Variants in KCNMB3 observed in about 807,000 individuals in gnomAD.
KCNMB3 encodes potassium calcium-activated channel subfamily M regulatory beta subunit 3, also known as calcium-activated potassium channel subunit beta-3.
Under a neutral mutation model 11.9 loss-of-function variants are expected in KCNMB3, and 18 were observed. The ratio of observed to expected loss-of-function variants is 1.51; its 90% CI spans 1.04 to 2.23. The LOEUF is 2.23. Among genes scored for constraint, KCNMB3 ranks in the 30% most tolerant of loss-of-function variants. The probability of loss-of-function intolerance (pLI) is 0.00; values close to 1 mark genes in which losing one functional copy is unlikely to be tolerated. For missense variants in KCNMB3, 247 were observed against 329.4 expected (o/e 0.75, Z 1.94); for synonymous variants, 78 against 119.2 (o/e 0.65, Z 2.25).
chr3:179,247,365 G>C (rs1725676410), intron 1 of KCNMB3, among the ~76,000 whole-genome samples: 1 of 151,416 alleles, frequency 6.6e-6, no homozygotes, highest in South Asian at 2.1e-4. Context: ...ATGATGAGAG[G>C]AAAAGGAGTA....
chr3:179,261,107 G>T, intron 1 of KCNMB3: 1 of 1,218,828 alleles, frequency 8.2e-7, no homozygotes. Flanking sequence ...ATATTTTTCT[G>T]GTCTCTCTTC....
chr3:179,252,409 C>T (rs1012370725), upstream of KCNMB3, among the ~76,000 whole-genome samples: 3 of 152,190 alleles, frequency 2.0e-5, no homozygotes, highest in Admixed American at 6.5e-5. Flanking sequence ...AAGGAAATTA[C>T]TGGTTGTTTT....
chr3:179,245,536 C>T (rs1725611053), intron 1 of KCNMB3, among the ~76,000 whole-genome samples: 1 of 151,484 alleles, frequency 6.6e-6, no homozygotes, highest in Non-Finnish European at 1.5e-5. Flanking sequence ...TGGAGTTTCG[C>T]TCTTGTTGCC....
chr3:179,264,584 G>C (rs1219803314), intron 1 of KCNMB3, among the ~76,000 whole-genome samples: 2 of 152,142 alleles, frequency 1.3e-5, no homozygotes, highest in Non-Finnish European at 2.9e-5. Flanking sequence ...CCCAGCCCAA[G>C]TACGACACAT....
chr3:179,249,857 G>A (rs958938518), intron 1 of KCNMB3, among the ~76,000 whole-genome samples: 1 of 152,068 alleles, frequency 6.6e-6, no homozygotes, highest in Non-Finnish European at 1.5e-5. Context: ...ACCTAGAGGG[G>A]AGCAACACAC....
chr3:179,240,330 A>G (rs1486852691), downstream of KCNMB3: 5 of 365,648 alleles, frequency 1.4e-5, no homozygotes, highest in Non-Finnish European at 2.5e-5. Flanking sequence ...GTATGTTTAA[A>G]TATTTACTTC....
rs1333574760 is a variant in KCNMB3 at position 179,264,634 on chromosome 3, A to G, written c.62+2015T>C. On this transcript the variant is annotated intron_variant, in intron 1 of 3. Coordinates refer to the KCNMB3 transcript ENST00000349697. ...TCTGGCTTAGCCTGAGGCAAACTCA[A>G]TTACAAACAGCCTGAACACACTCAC... Among the ~76,000 whole-genome samples, 9 of 152,146 alleles carry G rather than the reference A, an allele frequency of 5.9e-5. No individual in the cohort carries two copies. In the East Asian group the frequency reaches 9.6e-4, roughly 16 times the overall value.
chr3:179,242,919 T>C lies in KCNMB3; in HGVS notation c.813A>G (p.Arg271=). The part of the protein sequence containing the change: ...KLCIMRRSKG[R]AEKS The stretch of plus-strand genomic sequence containing the variant: ...GGCCACCGTCTTAAGATTTCTCTGC[T>C]CTTCCTTTGCTCCTCCTCATAATGC... Residue 271 remains arginine, a synonymous_variant, in exon 3 of 3, where the codon AGA becomes AGG. Coordinates refer to ENST00000392685, the MANE Select transcript of KCNMB3 (RefSeq NM_171830.2). 6.2e-7 allele frequency: 1 copy of C among 1,600,130 alleles called. No individual in the cohort carries two copies. The highest frequency in any genetic ancestry group is 8.5e-7 in the Non-Finnish European group (1 of 1,173,488).
At chr3:179,254,673 G>A (rs566561567), upstream of KCNMB3, among the ~76,000 whole-genome samples, 12 of 152,232 alleles carry the variant, frequency 7.9e-5, no homozygotes, top group South Asian at 1.9e-3. Context: ...TTAGCTGGGC[G>A]TGGTGGCACG....
intron 1 of KCNMB3, among the ~76,000 whole-genome samples, chr3:179,246,730 T>A (rs1191519418): frequency 6.6e-6 from 1 of 152,244 alleles, no homozygotes; most frequent in Non-Finnish European, 1.5e-5. Flanking sequence ...TTAGAGTTAC[T>A]TTTTTATCTG....
chr3:179,247,881 C>T (rs57620676), intron 1 of KCNMB3, among the ~76,000 whole-genome samples: 12,138 of 152,120 alleles, frequency 0.08, 585 homozygotes, highest in South Asian at 0.14. Flanking sequence ...CTTTCCCTCA[C>T]TGAACTCCTA....
Position 179,249,869 on chromosome 3 carries a change from C to G in KCNMB3, c.248+874G>C, listed in dbSNP as rs576976289. ...GACACCTAGAGGGGAGCAACACACA[C>G]TGGGGCCTCTCAGTGGAGTAGGGGG... On this transcript the variant is annotated intron_variant, in intron 1 of 2. Transcript: ENST00000392685. 2.0e-5 allele frequency among the ~76,000 whole-genome samples: 3 copies of G among 152,160 alleles called. No individual in the cohort carries two copies. In the South Asian group the frequency reaches 6.2e-4, roughly 32 times the overall value.
At chr3:179,242,700 T>A (rs1442875277), downstream of KCNMB3, 4 of 884,140 alleles carry the variant, frequency 4.5e-6, no homozygotes, top group Non-Finnish European at 6.1e-6. Context: ...GGAAAGAGAT[T>A]GGGATTAGAA....
At chr3:179,265,703 T>C (rs999348041) in intron 1 of KCNMB3, among the ~76,000 whole-genome samples, 4 of 152,088 alleles carry the variant, frequency 2.6e-5, no homozygotes, top group African/African-American at 9.7e-5. Context: ...GGTGATCCAC[T>C]CACCTCGGCC....
At chr3:179,261,145 C>A in intron 1 of KCNMB3, 1 of 1,337,820 alleles carries the variant, frequency 7.5e-7, no homozygotes, top group South Asian at 1.3e-5. Flanking sequence ...GCTCCAGCTC[C>A]TTCATGGGGA....
At chr3:179,264,043 T>G (rs1396189380) in intron 1 of KCNMB3, among the ~76,000 whole-genome samples, 1 of 152,082 alleles carries the variant, frequency 6.6e-6, no homozygotes, top group Non-Finnish European at 1.5e-5. Flanking sequence ...TGACCTCAGG[T>G]GATCCACCTG....
At chr3:179,258,216 C>T (rs1181271609) in intron 1 of KCNMB3, among the ~76,000 whole-genome samples, 2 of 152,188 alleles carry the variant, frequency 1.3e-5, no homozygotes, top group Non-Finnish European at 2.9e-5. Flanking sequence ...TGTCCCTGCT[C>T]AAATACTGCA....
At chr3:179,252,792 G>A (rs1725889860), upstream of KCNMB3, among the ~76,000 whole-genome samples, 1 of 150,744 alleles carries the variant, frequency 6.6e-6, no homozygotes, top group African/African-American at 2.4e-5. Flanking sequence ...AGTGCAGTGG[G>A]GCAATCTCGG....
At chr3:179,259,367 A>C in intron 1 of KCNMB3, 1 of 1,569,312 alleles carries the variant, frequency 6.4e-7, no homozygotes, top group Non-Finnish European at 8.6e-7. Context: ...CTAATTCTTC[A>C]CCACCAGCCC....
Sources: allele counts gnomAD v4.1 joint callset (sites outside exome capture counted in the v4.1 genomes callset), GRCh38; gene constraint gnomAD v4.1.1; transcripts MANE v1.5; gene names NCBI Gene and HGNC (gene_info 2026-07-23, HGNC 2026-07-21).